ADPGK: variants seen among roughly 807,000 people sequenced by gnomAD.
ADPGK encodes ADP-dependent glucokinase.
ADPGK carries 26 observed loss-of-function variants against 42.4 expected under a neutral mutation model. That is an observed-to-expected ratio of 0.61 (90% CI 0.45 to 0.85). The LOEUF (loss-of-function observed/expected upper bound fraction) is 0.85, where lower values mean the gene tolerates loss of function less well. Ranked by LOEUF, ADPGK falls within the 40% of genes least tolerant of loss-of-function variation. The probability of loss-of-function intolerance (pLI) is 0.00; values close to 1 mark genes in which losing one functional copy is unlikely to be tolerated. For missense variants in ADPGK, 571 were observed against 627.0 expected, an observed-to-expected ratio of 0.91 and a Z score of 0.95; for synonymous variants, 267 against 252.6, an observed-to-expected ratio of 1.06 and a Z score of -0.54.
intron 1 of ADPGK, among the ~76,000 whole-genome samples, chr15:72,782,527 C>CAAAAAAAAA (rs5813692): frequency 3.3e-4 from 20 of 61,280 alleles, no homozygotes; most frequent in African/African-American, 1.2e-3. Context: ...ACCCTGTGTC[C>CAAAAAAAAA]AAAAAAAAAA....
In ADPGK at chr15:72,755,487, A is replaced by G. The variant is rs1347852923; in HGVS notation, c.939+69T>C. ...TCCCTGAGCCCAAACAGATGGTCCCACTGCACAAAAAAGCTTCTCTGCAAG... is the reference window on the plus strand; with the variant it reads ...TCCCTGAGCCCAAACAGATGGTCCCGCTGCACAAAAAAGCTTCTCTGCAAG... On this transcript the variant is annotated intron_variant, in intron 6 of 6. Coordinates refer to ENST00000456471, the MANE Select transcript of ADPGK (RefSeq NM_001365225.1). 3.3e-6 allele frequency: 4 copies of G among 1,199,760 alleles called. No individual in the cohort carries two copies. In the African/African-American group the frequency reaches 6.1e-5, roughly 18 times the overall value. The allele number at this position is 1,199,760 out of a possible 1,614,324, so 74.3% of individuals were successfully genotyped here. A position where few individuals can be genotyped will look rare whatever the true frequency, so the allele number is the denominator to read the frequency against.
chr15:72,778,252 A>G (rs1005474840), intron 1 of ADPGK, among the ~76,000 whole-genome samples: 7 of 152,190 alleles, frequency 4.6e-5, no homozygotes, highest in Non-Finnish European at 8.8e-5. Context: ...CTGTCTCAAA[A>G]AAACACTGAA....
chr15:72,769,255 C>CA (rs2066299484), intron 3 of ADPGK, among the ~76,000 whole-genome samples: 1 of 152,100 alleles, frequency 6.6e-6, no homozygotes, highest in South Asian at 2.1e-4. Context: ...AACTAAAAAA[C>CA]AAAAAACCAC....
At chr15:72,753,045 T>C (rs1011977285) in intron 6 of ADPGK, 150 bp from the exon 7 acceptor site, 8 of 720,474 alleles carry the variant, frequency 1.1e-5, no homozygotes, top group African/African-American at 1.1e-4. Context: ...GTCACTGTTT[T>C]AGCTATCACA....
chr15:72,769,490 C>T (rs1424716175), intron 3 of ADPGK, among the ~76,000 whole-genome samples: 4 of 152,130 alleles, frequency 2.6e-5, no homozygotes, highest in African/African-American at 9.7e-5. Flanking sequence ...GGACTACAAG[C>T]GCCTGCCACC....
chr15:72,779,693 A>G (rs1459119595), intron 1 of ADPGK, among the ~76,000 whole-genome samples: 1 of 152,154 alleles, frequency 6.6e-6, no homozygotes, highest in East Asian at 1.9e-4. Flanking sequence ...TTTAAGGGCT[A>G]GTGCCTCCCA....
In ADPGK at chr15:72,752,875, A is replaced by G. The variant is rs1382068046; in HGVS notation, c.960T>C (p.Thr320=). 6.2e-7 allele frequency: 1 copy of G among 1,612,918 alleles called. No homozygotes were observed. Among genetic ancestry groups the G allele is most frequent in the Admixed American group, 1.7e-5 (1 of 59,818 alleles). ...IVHQQVFPAV[T]SLGLNEQELL... is the part of the protein sequence containing the mutation. ...GCTCCTGTTCATTCAGCCCAAGGGA[A>G]GTCACCGCGGGAAAGACCTGCTAAC... Residue 320 remains threonine, a synonymous_variant, in exon 7 of 7, where the codon ACT becomes ACC. Transcript: ENST00000456471.
Position 72,752,673 on chromosome 15 carries a change from T to C in ADPGK, c.1162A>G (p.Ile388Val). 1 of 1,614,212 alleles carries C rather than the reference T, an allele frequency of 6.2e-7. No individual in the cohort carries two copies. Among genetic ancestry groups the C allele is most frequent in the Non-Finnish European group, 8.5e-7 (1 of 1,180,036 alleles). ...CAGTGTCCATCCACAGTTGCCAGGA[T>C]GTGGTAGACCAGCGTGTGGAAATGG... ...RIHFHTLVYHILATVDGHWAN... is the reference protein window; with the variant it reads ...RIHFHTLVYHVLATVDGHWAN... The change falls in exon 7 of 7, where the codon ATC (isoleucine) becomes GTC (valine). Residue 388 changes from isoleucine to valine, a missense_variant. Transcript: ENST00000456471.
chr15:72,753,783 A>T (rs913721683), intron 6 of ADPGK, among the ~76,000 whole-genome samples: 8 of 152,180 alleles, frequency 5.3e-5, no homozygotes, highest in African/African-American at 1.9e-4. Context: ...TAAGCCTCAG[A>T]AGGGTTAAGT....
In ADPGK at chr15:72,758,071, G is replaced by C. The variant is rs544388835; in HGVS notation, c.644-1624C>G. 122 of 1,611,418 alleles carry C rather than the reference G, an allele frequency of 7.6e-5. No homozygotes were observed. In the South Asian group the frequency reaches 1.1e-3, roughly 14 times the overall value. On this transcript the variant is annotated intron_variant, in intron 4 of 6. Transcript: ENST00000456471. ...TCTGTAACAGTGCCATTACCTCCAAGAGTCTCTTCCTCTGGAGCTCCTTGC... is the reference window on the plus strand; with the variant it reads ...TCTGTAACAGTGCCATTACCTCCAACAGTCTCTTCCTCTGGAGCTCCTTGC...
intron 4 of ADPGK, among the ~76,000 whole-genome samples, chr15:72,759,070 T>C (rs915486546): frequency 2.0e-5 from 3 of 152,198 alleles, no homozygotes; most frequent in Non-Finnish European, 4.4e-5. Flanking sequence ...ACTGAGTAGC[T>C]GGGATTATAG....
At chr15:72,756,217 T>C (rs1282928142) in intron 5 of ADPGK, 34 bp downstream of exon 5, 1 of 1,585,994 alleles carries the variant, frequency 6.3e-7, no homozygotes, top group South Asian at 1.1e-5. Context: ...AACCACCAGC[T>C]GAGATCTGTG....
chr15:72,775,438 TGGCCGTGTGACTTGGGCAAGTCACTAA>T (rs2066380092), intron 1 of ADPGK, among the ~76,000 whole-genome samples: 1 of 152,206 alleles, frequency 6.6e-6, no homozygotes, highest in Non-Finnish European at 1.5e-5. Context: ...GGATTCATGC[TGGCCGTGTGACTTGGGCAAGTCACTAA>T]TTTCTCTGTG....
chr15:72,760,559 G>C (rs2151075738), intron 3 of ADPGK, 32 bp from the exon 4 acceptor site: 2 of 1,579,630 alleles, frequency 1.3e-6, no homozygotes, highest in Middle Eastern at 1.7e-4. Flanking sequence ...TCCATCAGGA[G>C]CCCCGTTCCT....
Position 72,765,276 on chromosome 15 carries a change from G to A in ADPGK, c.523-4749C>T, listed in dbSNP as rs1168313247. ...TGATTCTTGTGCCTGAGCCTCCTGAGTAGCTGGGATTACAGGTGTGCACCA... is the reference window on the plus strand; with the variant it reads ...TGATTCTTGTGCCTGAGCCTCCTGAATAGCTGGGATTACAGGTGTGCACCA... On this transcript the variant is annotated intron_variant, in intron 3 of 6. Coordinates refer to ENST00000456471, the MANE Select transcript of ADPGK (RefSeq NM_001365225.1). Among the ~76,000 whole-genome samples, 4 of 152,246 alleles carry A rather than the reference G, an allele frequency of 2.6e-5. No individual in the cohort carries two copies. In the East Asian group the frequency reaches 7.7e-4, roughly 29 times the overall value.
At chr15:72,763,302 C>T (rs2066218203) in intron 3 of ADPGK, among the ~76,000 whole-genome samples, 4 of 151,466 alleles carry the variant, frequency 2.6e-5, no homozygotes, top group Admixed American at 2.6e-4. Flanking sequence ...TGGACACACA[C>T]CACCACACTC....
intron 4 of ADPGK, chr15:72,758,380 C>T: frequency 1.8e-6 from 1 of 566,412 alleles, no homozygotes; most frequent in South Asian, 1.9e-5. Flanking sequence ...GATTCCCAGC[C>T]CAAGCCTGAC....
chr15:72,779,416 T>G (rs1349353804), intron 1 of ADPGK, among the ~76,000 whole-genome samples: 1 of 152,024 alleles, frequency 6.6e-6, no homozygotes, highest in East Asian at 1.9e-4. Context: ...GCCTAATTTT[T>G]TTATTTTTAG....
rs1452378144 is a variant in ADPGK at position 72,752,420 on chromosome 15, T to C, written c.1415A>G (p.Asp472Gly). ...TCCAAGGCCTACAGTTCGAATGGGG[T>C]CTTTACACACCAATACTGGTGTGAA... ...FHFTPVLVCKDPIRTVGLGDA... is the reference protein window; with the variant it reads ...FHFTPVLVCKGPIRTVGLGDA... The change falls in exon 7 of 7, where the codon GAC becomes GGC. Residue 472 changes from aspartate to glycine, a missense_variant. Asp to Gly is a moderately conservative substitution (Grantham distance 94). Coordinates refer to ENST00000456471, the MANE Select transcript of ADPGK (RefSeq NM_001365225.1). 1.9e-6 allele frequency: 3 copies of C among 1,614,194 alleles called. No individual in the cohort carries two copies. The highest frequency in any genetic ancestry group is 2.5e-6 in the Non-Finnish European group (3 of 1,180,038).
Sources: allele counts gnomAD v4.1 joint callset (sites outside exome capture counted in the v4.1 genomes callset), GRCh38; gene constraint gnomAD v4.1.1; transcripts MANE v1.5; gene names NCBI Gene and HGNC (gene_info 2026-07-23, HGNC 2026-07-21).